Variants in SH3PXD2A observed in about 807,000 individuals in gnomAD.
The protein encoded by SH3PXD2A is SH3 and PX domains 2A.
A neutral mutation model predicts 115.2 loss-of-function variants in SH3PXD2A; 32 were observed. The ratio of observed to expected loss-of-function variants is 0.28; its 90% CI spans 0.21 to 0.37. The LOEUF is 0.37. Ranked by LOEUF, SH3PXD2A falls within the 10% of genes least tolerant of loss-of-function variation. The pLI, the probability that SH3PXD2A is intolerant of heterozygous loss-of-function variation, is 1.00. For missense variants in SH3PXD2A, 1,328 were observed against 1,498.7 expected, an observed-to-expected ratio of 0.89 and a Z score of 1.88; for synonymous variants, 610 against 629.1, an observed-to-expected ratio of 0.97 and a Z score of 0.45.
intron 2 of SH3PXD2A, among the ~76,000 whole-genome samples, chr10:103,778,364 A>G (rs961921740): frequency 6.6e-6 from 1 of 152,180 alleles, no homozygotes; most frequent in Admixed American, 6.5e-5. Context: ...ATGAATAGGT[A>G]GAGCGCTTTA....
At chr10:103,725,752 C>T (rs890929635) in intron 4 of SH3PXD2A, among the ~76,000 whole-genome samples, 1 of 152,024 alleles carries the variant, frequency 6.6e-6, no homozygotes, top group Admixed American at 6.6e-5. Context: ...TCGCTTGAAC[C>T]CAGGAGGCAG....
At chr10:103,758,917 T>G (rs1429893469) in intron 3 of SH3PXD2A, among the ~76,000 whole-genome samples, 1 of 152,202 alleles carries the variant, frequency 6.6e-6, no homozygotes, top group African/African-American at 2.4e-5. Context: ...CCCAGAAACT[T>G]CTCAACCTCT....
Position 103,603,086 on chromosome 10 carries a change from A to G in SH3PXD2A, c.2132T>C (p.Leu711Ser). The change falls in exon 15 of 15, where the codon TTG becomes TCG. Residue 711 changes from leucine to serine, a missense_variant. By Grantham distance (145) the Leu-to-Ser change is moderately radical (BLOSUM62 -2). Around this residue, in one of 5 missense-constraint regions of SH3PXD2A, gnomAD observed 574 missense variants for 565.7 expected, o/e 1.01. Coordinates refer to ENST00000369774, the MANE Select transcript of SH3PXD2A (RefSeq NM_001394015.1). ...CSSSSSSSSS[L>S]SKTSGDLKPR... is the part of the protein sequence containing the mutation. Reference sequence around the variant, plus strand: ...CTTCAGGTCGCCACTGGTTTTGGACAAGGAAGAGGAGGAGGAGGAAGAGGA... The same window carrying G: ...CTTCAGGTCGCCACTGGTTTTGGACGAGGAAGAGGAGGAGGAGGAAGAGGA... 3 of 1,613,376 alleles carry G rather than the reference A, an allele frequency of 1.9e-6. No individual in the cohort carries two copies. The highest frequency in any genetic ancestry group is 2.5e-6 in the Non-Finnish European group (3 of 1,180,026).
intron 1 of SH3PXD2A, among the ~76,000 whole-genome samples, chr10:103,839,477 CG>C: frequency 6.6e-6 from 1 of 152,240 alleles, no homozygotes; most frequent in East Asian, 1.9e-4. Context: ...TTAATTAACC[CG>C]TGCCATCCTC....
In SH3PXD2A at chr10:103,784,235, G is replaced by C. The variant is rs1232291090; in HGVS notation, c.153+17047C>G. Among the ~76,000 whole-genome samples the C allele has an allele frequency of 6.6e-6, 1 of 152,198 alleles. No homozygotes were observed. The highest frequency in any genetic ancestry group is 1.5e-5 in the Non-Finnish European group (1 of 68,036). On this transcript the variant is annotated intron_variant, in intron 2 of 14. Transcript: ENST00000369774. The surrounding 1 kb of genome is among the most constrained non-coding windows in gnomAD (Gnocchi z 4.4). ...CCTTTTCCAGGTCCCGCCCTCCCTG[G>C]ACTTCAGACCCCAAGAGGTCACAGA...
chr10:103,733,751 A>C (rs2038349709), intron 4 of SH3PXD2A, among the ~76,000 whole-genome samples: 1 of 152,096 alleles, frequency 6.6e-6, no homozygotes, highest in African/African-American at 2.4e-5. Context: ...GTTGGTTCTT[A>C]AACATTTTTT....
chr10:103,846,888 C>T lies in SH3PXD2A; in HGVS notation c.72+8307G>A, dbSNP rs77615279. On this transcript the variant is annotated intron_variant, in intron 1 of 14. Coordinates refer to ENST00000369774, the MANE Select transcript of SH3PXD2A (RefSeq NM_001394015.1). ...GCAGGCCTCTCCACATGCAGCTCAT[C>T]AGCTGCGTGGCATCTGGCAATTCAT... Among the ~76,000 whole-genome samples, 278 of 152,346 alleles carry T rather than the reference C, an allele frequency of 1.8e-3. 1 individual carries two copies. The highest frequency in any genetic ancestry group is 6.5e-3 in the African/African-American group (270 of 41,586).
chr10:103,779,916 T>C (rs1044253474), intron 2 of SH3PXD2A, among the ~76,000 whole-genome samples: 2 of 152,186 alleles, frequency 1.3e-5, no homozygotes, highest in African/African-American at 4.8e-5. Flanking sequence ...CTGCAAGGAC[T>C]ATCCAAAATA....
At chr10:103,809,764 A>G (rs1378539515) in intron 1 of SH3PXD2A, among the ~76,000 whole-genome samples, 1 of 143,310 alleles carries the variant, frequency 7.0e-6, no homozygotes, top group Admixed American at 7.5e-5. Flanking sequence ...AGATCACTAC[A>G]ACCTCCACCT....
chr10:103,690,328 TAGTC>T (rs1245158196), intron 6 of SH3PXD2A, among the ~76,000 whole-genome samples: 1 of 152,238 alleles, frequency 6.6e-6, no homozygotes, highest in Non-Finnish European at 1.5e-5. Context: ...AGGTGTGTAT[TAGTC>T]AGTGTTCTCC....
At chr10:103,816,404 A>C (rs2039324194) in intron 1 of SH3PXD2A, among the ~76,000 whole-genome samples, 1 of 152,242 alleles carries the variant, frequency 6.6e-6, no homozygotes, top group African/African-American at 2.4e-5. Flanking sequence ...GCACATGAAA[A>C]GATGCTCAAA....
chr10:103,708,264 C>A (rs978359463), intron 5 of SH3PXD2A, among the ~76,000 whole-genome samples: 2 of 152,202 alleles, frequency 1.3e-5, no homozygotes, highest in African/African-American at 4.8e-5. Flanking sequence ...CAGCTAGTGA[C>A]AAAGGGCCTC....
At position 103,617,215 on chromosome 10, in the gene SH3PXD2A, T is replaced by C; in HGVS notation, c.902A>G (p.Glu301Gly). Residue 301 changes from glutamate to glycine, a missense_variant, in exon 11 of 15, where the codon GAA (glutamate) becomes GGA (glycine). By Grantham distance (98) the Glu-to-Gly change is moderately conservative. This residue lies in a region of SH3PXD2A where 509 missense variants were observed against 628.3 expected (regional missense o/e 0.81). Coordinates refer to ENST00000369774, the MANE Select transcript of SH3PXD2A (RefSeq NM_001394015.1). ...VTVEVIRKNL[E>G]GWWYIRYLGK... ...TCCCTACCTGATATACCACCAGCCT[T>C]CCAGATTCTTCCGGATCACCTCCAC... 6.2e-7 allele frequency: 1 copy of C among 1,613,468 alleles called. No homozygotes were observed. Among genetic ancestry groups the C allele is most frequent in the Non-Finnish European group, 8.5e-7 (1 of 1,179,362 alleles).
At chr10:103,656,924 G>A (rs1256058979) in intron 8 of SH3PXD2A, among the ~76,000 whole-genome samples, 1 of 151,708 alleles carries the variant, frequency 6.6e-6, no homozygotes, top group African/African-American at 2.4e-5. Flanking sequence ...AGCCTCCTAA[G>A]GCTGATTTAC....
intron 1 of SH3PXD2A, among the ~76,000 whole-genome samples, chr10:103,853,608 G>A (rs908022114): frequency 6.6e-6 from 1 of 152,182 alleles, no homozygotes; most frequent in Non-Finnish European, 1.5e-5. Context: ...AGTGGGCCCC[G>A]GTTCTAGTTT....
intron 8 of SH3PXD2A, among the ~76,000 whole-genome samples, chr10:103,648,710 T>C (rs985750227): frequency 4.1e-4 from 63 of 152,394 alleles, no homozygotes; most frequent in African/African-American, 1.5e-3. Context: ...TTCCCGGCAC[T>C]ATCCTAAAAA....
intron 9 of SH3PXD2A, 95 bp downstream of exon 9, chr10:103,626,994 T>C: frequency 1.4e-6 from 1 of 724,260 alleles, no homozygotes; most frequent in Non-Finnish European, 2.5e-6. Flanking sequence ...ATGGCTCAGC[T>C]CACTTTAGGG....
chr10:103,771,738 AACACACACACACACACACACAC>A (rs3068820), intron 2 of SH3PXD2A, among the ~76,000 whole-genome samples: 1 of 143,004 alleles, frequency 7.0e-6, no homozygotes, highest in Admixed American at 7.0e-5. Flanking sequence ...CCGTCAAAAC[AACACACACACACACACACACAC>A]ACACACACAC....
At chr10:103,748,382 G>A (rs955636927) in intron 3 of SH3PXD2A, among the ~76,000 whole-genome samples, 5 of 152,104 alleles carry the variant, frequency 3.3e-5, no homozygotes, top group African/African-American at 7.2e-5. Flanking sequence ...CCTGAGCCCC[G>A]GGCTGTGCAA....
Sources: allele counts gnomAD v4.1 joint callset (sites outside exome capture counted in the v4.1 genomes callset), GRCh38; gene constraint gnomAD v4.1.1; regional missense constraint gnomAD v4.1.1; non-coding constraint Gnocchi (gnomAD v3.1); transcripts MANE v1.5; gene names NCBI Gene and HGNC (gene_info 2026-07-23, HGNC 2026-07-21).